The following USP25 variants were observed in gnomAD, a reference collection of about 807,000 sequenced individuals.
The protein encoded by USP25 is ubiquitin carboxyl-terminal hydrolase 25.
USP25 carries 85 observed loss-of-function variants against 158.5 expected under a neutral mutation model. That is an observed-to-expected ratio of 0.54 (90% CI 0.45 to 0.64). USP25 has a LOEUF of 0.64. USP25 is among the 30% of genes least tolerant of loss of function. The probability of loss-of-function intolerance (pLI) is 0.00; values close to 1 mark genes in which losing one functional copy is unlikely to be tolerated. For missense variants in USP25, 1,242 were observed against 1,327.3 expected (o/e 0.94, Z 1.00); for synonymous variants, 464 against 460.4 (o/e 1.01, Z -0.10).
intron 1 of USP25, 135 bp from the exon 2 acceptor site, chr21:15,762,755 TC>T: frequency 1.4e-6 from 1 of 694,472 alleles, no homozygotes; most frequent in Non-Finnish European, 2.4e-6. Flanking sequence ...TTTCTCAAGT[TC>T]TTTTTCCTTT....
intron 9 of USP25, among the ~76,000 whole-genome samples, chr21:15,813,742 T>G (rs1475187768): frequency 6.6e-6 from 1 of 152,092 alleles, no homozygotes; most frequent in Non-Finnish European, 1.5e-5. Context: ...TTATTCAAAA[T>G]TAAGCCCCTT....
At chr21:15,776,096 C>A (rs557510530) in intron 3 of USP25, among the ~76,000 whole-genome samples, 7 of 151,944 alleles carry the variant, frequency 4.6e-5, no homozygotes, top group Non-Finnish European at 8.8e-5. Flanking sequence ...CTTTTTAATC[C>A]TCACTGCTTC....
At chr21:15,803,160 G>A (rs574867351) in intron 6 of USP25, among the ~76,000 whole-genome samples, 1 of 151,806 alleles carries the variant, frequency 6.6e-6, no homozygotes, top group South Asian at 2.1e-4. Flanking sequence ...AGTTTTACTT[G>A]TAAATTATAT....
intron 5 of USP25, among the ~76,000 whole-genome samples, chr21:15,798,153 G>T (rs116695551): frequency 7.3e-4 from 111 of 151,310 alleles, no homozygotes; most frequent in African/African-American, 2.5e-3. Flanking sequence ...CTTTGCAGTT[G>T]CCAAATCCAA....
chr21:15,806,371 C>T (rs549388126), intron 7 of USP25, among the ~76,000 whole-genome samples: 1 of 150,584 alleles, frequency 6.6e-6, no homozygotes, highest in South Asian at 2.1e-4. Context: ...AAGATTACTT[C>T]TGTTCTCTGA....
chr21:15,862,626 GA>G (rs1211264861), intron 20 of USP25, among the ~76,000 whole-genome samples: 1 of 142,494 alleles, frequency 7.0e-6, no homozygotes, highest in East Asian at 2.1e-4. Context: ...AGAGCTCTAA[GA>G]GAAGCTTATG....
intron 6 of USP25, among the ~76,000 whole-genome samples, chr21:15,803,082 A>G (rs996352182): frequency 6.6e-6 from 1 of 151,696 alleles, no homozygotes; most frequent in African/African-American, 2.4e-5. Flanking sequence ...GAAATAGATA[A>G]CCTGTGGTAG....
chr21:15,734,111 GAAT>G (rs761201582), intron 1 of USP25, among the ~76,000 whole-genome samples: 5 of 152,046 alleles, frequency 3.3e-5, no homozygotes, highest in Non-Finnish European at 5.9e-5. Flanking sequence ...TGTATAGGGA[GAAT>G]AAAAAAGAAA....
chr21:15,741,240 A>G (rs1215059125), intron 1 of USP25, among the ~76,000 whole-genome samples: 1 of 150,330 alleles, frequency 6.7e-6, no homozygotes, highest in African/African-American at 2.5e-5. Flanking sequence ...ATGGAGTAAT[A>G]TTATATAAAT....
At position 15,818,606 on chromosome 21, in the gene USP25, A is replaced by G. The variant is rs79621284; in HGVS notation, c.932-92A>G. 411 of 1,137,034 alleles carry G rather than the reference A, an allele frequency of 3.6e-4. 3 individuals carry two copies. In the East Asian group the frequency reaches 9.9e-3, roughly 27 times the overall value. 70.4% of individuals were successfully genotyped at this position (1,137,034 alleles called of 1,614,324 possible). A position where few individuals can be genotyped will look rare whatever the true frequency, so the allele number is the denominator to read the frequency against. Reference sequence around the variant, plus strand: ...AGGAATGAAATCAGTCAGTGTTACAATTTTCAGGTTCAGGTGAGAATCCTT... The same window carrying G: ...AGGAATGAAATCAGTCAGTGTTACAGTTTTCAGGTTCAGGTGAGAATCCTT... On this transcript the variant is annotated intron_variant, in intron 9 of 25. Transcript: ENST00000400183.
intron 6 of USP25, among the ~76,000 whole-genome samples, chr21:15,804,388 A>G (rs2036273737): frequency 6.6e-6 from 1 of 151,460 alleles, no homozygotes; most frequent in Non-Finnish European, 1.5e-5. Context: ...ATAAAATTAA[A>G]TAAATTTAAA....
At chr21:15,819,786 A>T (rs2037137225) in intron 10 of USP25, among the ~76,000 whole-genome samples, 1 of 152,026 alleles carries the variant, frequency 6.6e-6, no homozygotes, top group Non-Finnish European at 1.5e-5. Flanking sequence ...CTTTTGTCTA[A>T]ATTTTAATTT....
chr21:15,846,122 GTA>G (rs34210530), intron 18 of USP25, among the ~76,000 whole-genome samples: 1,874 of 55,640 alleles, frequency 0.034, 151 homozygotes, highest in Non-Finnish European at 0.038. Flanking sequence ...GTGTGTGTGT[GTA>G]TATATATATA....
chr21:15,745,636 C>T (rs867303684), intron 1 of USP25, among the ~76,000 whole-genome samples: 2 of 151,950 alleles, frequency 1.3e-5, no homozygotes, highest in South Asian at 2.1e-4. Context: ...CCACCACGCT[C>T]AGCTAATTTT....
Position 15,818,701 on chromosome 21 carries a change from A to C in USP25, c.935A>C (p.Lys312Thr). 6.2e-7 allele frequency: 1 copy of C among 1,604,174 alleles called. No individual in the cohort carries two copies. The highest frequency in any genetic ancestry group is 8.5e-7 in the Non-Finnish European group (1 of 1,174,914). Reference sequence around the variant, plus strand: ...TTAATTTTCTCCCTTCTTATAGGTAAAAAATTTGAAAACACTGAAATGTTT... The same window carrying C: ...TTAATTTTCTCCCTTCTTATAGGTACAAAATTTGAAAACACTGAAATGTTT... ...RFLAVGVLEG[K>T]KFENTEMFGQ... Residue 312 changes from lysine (K) to threonine (T), a missense_variant, in exon 10 of 26, where the codon AAA becomes ACA. This residue lies in a region of USP25 where 627 missense variants were observed against 701.4 expected (regional missense o/e 0.89). Coordinates refer to ENST00000400183, the MANE Select transcript of USP25 (RefSeq NM_001283041.3).
intron 1 of USP25, among the ~76,000 whole-genome samples, chr21:15,745,682 G>T (rs980844088): frequency 1.3e-5 from 2 of 151,856 alleles, no homozygotes; most frequent in African/African-American, 4.8e-5. Context: ...CACCATGTTG[G>T]CCAGCCTGGT....
Position 15,856,472 on chromosome 21 carries a change from T to C in USP25, c.2547+6600T>C, listed in dbSNP as rs556445934. 8.0e-4 allele frequency among the ~76,000 whole-genome samples: 122 copies of C among 152,148 alleles called. No individual in the cohort carries two copies. In the Middle Eastern group the frequency reaches 0.01, roughly 13 times the overall value. On this transcript the variant is annotated intron_variant, in intron 20 of 25. Coordinates refer to ENST00000400183, the MANE Select transcript of USP25 (RefSeq NM_001283041.3). The stretch of plus-strand genomic sequence containing the variant: ...AAAAGTAGGAGTATACTCTTTCTTT[T>C]TTTTTCTTTTTTTTTTTGAGACGGA...
rs1337359736 is a variant in USP25 at position 15,878,960 on chromosome 21, A to G, written c.*485A>G. On this transcript the variant is annotated 3_prime_UTR_variant, in exon 26 of 26. Transcript: ENST00000400183. The stretch of plus-strand genomic sequence containing the variant: ...TATATTAGTGTATTAGTAATACTAG[A>G]TAAATGAATTTTGTCTGGGGATTAA... 6.6e-6 allele frequency: 1 copy of G among 152,642 alleles called. No individual in the cohort carries two copies. Among genetic ancestry groups the G allele is most frequent in the Non-Finnish European group, 1.5e-5 (1 of 68,050 alleles). The allele number at this position is 152,642 out of a possible 1,614,324, so 9.5% of individuals were successfully genotyped here. A position where few individuals can be genotyped will look rare whatever the true frequency, so the allele number is the denominator to read the frequency against.
At chr21:15,733,995 G>A (rs998659167) in intron 1 of USP25, among the ~76,000 whole-genome samples, 2 of 152,166 alleles carry the variant, frequency 1.3e-5, no homozygotes, top group African/African-American at 4.8e-5. Context: ...GCTTCTGAAG[G>A]TTCTTTCAAA....
Sources: gnomAD v4.1 joint callset for allele counts (sites outside exome capture counted in the v4.1 genomes callset) on GRCh38, gnomAD v4.1.1 for gene constraint, gnomAD v4.1.1 regional missense constraint, MANE v1.5 for transcripts, NCBI Gene and HGNC (gene_info 2026-07-23, HGNC 2026-07-21) for gene names.